TRIO: variants seen among roughly 807,000 people sequenced by gnomAD.
The protein encoded by TRIO is triple functional domain protein.
Under a neutral mutation model 351.9 loss-of-function variants are expected in TRIO, and 58 were observed. That is an observed-to-expected ratio of 0.16 (90% CI 0.13 to 0.21). TRIO has a LOEUF of 0.21. Among genes scored for constraint, TRIO ranks in the 10% least tolerant of loss-of-function variants. TRIO has a pLI of 1.00. For missense variants in TRIO, 3,201 were observed against 4,027.8 expected (o/e 0.79, Z 5.56); for synonymous variants, 1,758 against 1,595.7 (o/e 1.10, Z -2.42).
intron 28 of TRIO, among the ~76,000 whole-genome samples, chr5:14,396,465 T>TTTTTTTTTTTTTTTTTTTTTTG: frequency 1.1e-5 from 1 of 88,452 alleles, no homozygotes; most frequent in Non-Finnish European, 2.3e-5. Flanking sequence ...TTTTTTTTTT[T>TTTTTTTTTTTTTTTTTTTTTTG]TTTTTTTTTT....
At chr5:14,304,646 T>A in intron 8 of TRIO, 54 bp downstream of exon 8, 1 of 1,561,280 alleles carries the variant, frequency 6.4e-7, no homozygotes, top group African/African-American at 1.4e-5. Flanking sequence ...TGCATCATAG[T>A]ACACCGGAAG....
At chr5:14,355,615 C>G (rs1363907624) in intron 11 of TRIO, among the ~76,000 whole-genome samples, 1 of 152,194 alleles carries the variant, frequency 6.6e-6, no homozygotes, top group African/African-American at 2.4e-5. Flanking sequence ...GACTTGGCAA[C>G]TTGGAATGTT....
intron 8 of TRIO, among the ~76,000 whole-genome samples, chr5:14,313,455 T>A (rs1220016225): frequency 6.6e-6 from 1 of 152,188 alleles, no homozygotes; most frequent in Admixed American, 6.5e-5. Flanking sequence ...CCATTCTCAG[T>A]AGAAGAATAT....
At chr5:14,492,397 C>T (rs978814954) in intron 48 of TRIO, 170 bp from the exon 49 acceptor site, 1 of 799,106 alleles carries the variant, frequency 1.3e-6, no homozygotes, top group East Asian at 2.7e-5. Flanking sequence ...GAAATAGATG[C>T]ACACAGTTAG....
At position 14,471,451 on chromosome 5, in the gene TRIO, C is replaced by A. The variant is rs772538034; in HGVS notation, c.5897C>A (p.Ser1966Tyr). 4 of 1,614,174 alleles carry A rather than the reference C, an allele frequency of 2.5e-6. No individual in the cohort carries two copies. In the South Asian group the frequency reaches 4.4e-5, roughly 18 times the overall value. The change falls in exon 38 of 57, where the codon TCT becomes TAT. Residue 1966 changes from serine to tyrosine, a missense_variant. By Grantham distance (144) the Ser-to-Tyr change is moderately radical (BLOSUM62 -2). Transcript: ENST00000344204. ...GAGATGGAAGAAAGGAAATCCAGCT[C>A]TTTAAAGAGAAGACAGTAAGACAGA... ...IDEMEERKSS[S>Y]LKRRHYVLQE...
intron 2 of TRIO, among the ~76,000 whole-genome samples, chr5:14,280,045 A>G (rs1285369080): frequency 6.6e-6 from 1 of 152,228 alleles, no homozygotes; most frequent in Non-Finnish European, 1.5e-5. Flanking sequence ...TGTCCAAAAC[A>G]TAAAAACTGA....
At chr5:14,256,202 G>A (rs1795012457) in intron 1 of TRIO, among the ~76,000 whole-genome samples, 1 of 152,140 alleles carries the variant, frequency 6.6e-6, no homozygotes, top group African/African-American at 2.4e-5. Flanking sequence ...CATGGTGAAA[G>A]AGAAGAGAGA....
At chr5:14,419,720 C>T in intron 33 of TRIO, 58 bp from the exon 34 acceptor site, 1 of 1,591,608 alleles carries the variant, frequency 6.3e-7, no homozygotes, top group Non-Finnish European at 8.6e-7. Flanking sequence ...CCAGCTGTAC[C>T]TGAAGGCACC....
chr5:14,500,082 C>T (rs1190679852), intron 53 of TRIO, among the ~76,000 whole-genome samples: 1 of 151,646 alleles, frequency 6.6e-6, no homozygotes, highest in African/African-American at 2.4e-5. Context: ...CTATTCATAC[C>T]CTGGAAATGC....
chr5:14,325,028 C>T (rs879416610), intron 9 of TRIO, among the ~76,000 whole-genome samples: 1 of 152,162 alleles, frequency 6.6e-6, no homozygotes, highest in Admixed American at 6.5e-5. Flanking sequence ...GTATTGCCCT[C>T]CCAAGCAGAG....
intron 11 of TRIO, among the ~76,000 whole-genome samples, chr5:14,355,108 G>A (rs963553729): frequency 1.3e-5 from 2 of 152,214 alleles, no homozygotes; most frequent in Non-Finnish European, 2.9e-5. Flanking sequence ...GGCACCCTCT[G>A]TGTGTGGCCA....
chr5:14,164,230 C>A (rs571271544), intron 1 of TRIO, among the ~76,000 whole-genome samples: 2 of 152,150 alleles, frequency 1.3e-5, no homozygotes, highest in African/African-American at 2.4e-5. Context: ...GTAATTATAT[C>A]AGAAAGCATC....
chr5:14,492,671 A>T lies in TRIO; in HGVS notation c.7737A>T (p.Gln2579His). 1.9e-6 allele frequency: 3 copies of T among 1,614,200 alleles called. No homozygotes were observed. Among genetic ancestry groups the T allele is most frequent in the Non-Finnish European group, 2.5e-6 (3 of 1,180,034 alleles). ...ACGTCTACCAAGGAGAGGTCGTTCA[A>T]ATTCTGGCCAGCAACCAGCAGAACA... Reference protein sequence around the residue: ...EINVYQGEVVQILASNQQNMF... With the variant: ...EINVYQGEVVHILASNQQNMF... Residue 2579 changes from glutamine (Q) to histidine (H), a missense_variant, in exon 49 of 57, where the codon CAA becomes CAT. Physicochemically the swap from Gln to His is conservative, Grantham distance 24 (BLOSUM62 0). Coordinates refer to ENST00000344204, the MANE Select transcript of TRIO (RefSeq NM_007118.4).
chr5:14,304,721 T>A, intron 8 of TRIO, 129 bp downstream of exon 8: 1 of 1,098,138 alleles, frequency 9.1e-7, no homozygotes, highest in Non-Finnish European at 1.3e-6. Context: ...GACTGCAGTT[T>A]AATTGTTTAG....
chr5:14,308,529 T>C (rs753815083), intron 8 of TRIO, among the ~76,000 whole-genome samples: 1 of 149,894 alleles, frequency 6.7e-6, no homozygotes, highest in Admixed American at 6.6e-5. Flanking sequence ...CCTCCATCCA[T>C]TTATCCATCC....
At chr5:14,318,427 C>T (rs1381193706) in intron 9 of TRIO, among the ~76,000 whole-genome samples, 1 of 149,202 alleles carries the variant, frequency 6.7e-6, no homozygotes, top group Non-Finnish European at 1.5e-5. Context: ...TCCACTTCAT[C>T]CTGGGTGACA....
chr5:14,412,256 A>G (rs552135548), intron 33 of TRIO, among the ~76,000 whole-genome samples: 65 of 152,194 alleles, frequency 4.3e-4, no homozygotes, highest in Admixed American at 1.8e-3. Flanking sequence ...CCAAAGTGCT[A>G]GGATTACAGG....
intron 34 of TRIO, among the ~76,000 whole-genome samples, chr5:14,437,697 C>CA (rs749455229): frequency 4.1e-5 from 6 of 147,890 alleles, no homozygotes; most frequent in African/African-American, 1.0e-4. Context: ...CCCCCCCCGC[C>CA]CCAAGGACCT....
Position 14,397,228 on chromosome 5 carries a change from A to C in TRIO, c.4423+74A>C, listed in dbSNP as rs540180001. 4.9e-6 allele frequency: 6 copies of C among 1,236,162 alleles called. No individual in the cohort carries two copies. The East Asian group carries it at 1.5e-4, about 30-fold the overall frequency. 76.6% of individuals were successfully genotyped at this position (1,236,162 alleles called of 1,614,324 possible). On this transcript the variant is annotated intron_variant, in intron 29 of 56. Transcript: ENST00000344204. ...CACTGTTTGTAAATGGATTTCCTGA[A>C]CCCTAAAAATCCCCGCTTTATGTCT... is the stretch of plus-strand genomic sequence containing the variant.
Sources: allele counts gnomAD v4.1 joint callset (sites outside exome capture counted in the v4.1 genomes callset), GRCh38; gene constraint gnomAD v4.1.1; transcripts MANE v1.5; gene names NCBI Gene and HGNC (gene_info 2026-07-23, HGNC 2026-07-21).